SDCCAG8: variants seen among roughly 807,000 people sequenced by gnomAD.
The protein encoded by SDCCAG8 is SHH signaling and ciliogenesis regulator SDCCAG8.
In SDCCAG8, 74 loss-of-function variants were observed where a neutral mutation model predicts 101.8. The ratio of observed to expected loss-of-function variants is 0.73; its 90% CI spans 0.60 to 0.88. The LOEUF is 0.88. SDCCAG8 is among the 40% of genes least tolerant of loss of function. SDCCAG8 has a pLI of 0.00. For synonymous variants in SDCCAG8, 281 were observed against 292.9 expected (o/e 0.96, Z 0.41); for missense variants, 787 against 822.6 (o/e 0.96, Z 0.53).
At chr1:243,325,281 CTA>C in intron 9 of SDCCAG8, among the ~76,000 whole-genome samples, 1 of 152,142 alleles carries the variant, frequency 6.6e-6, no homozygotes, top group East Asian at 1.9e-4. Flanking sequence ...CATTAGGAAT[CTA>C]TAGCATTTTC....
chr1:243,358,097 A>G (rs1292879413), intron 12 of SDCCAG8, among the ~76,000 whole-genome samples: 1 of 152,162 alleles, frequency 6.6e-6, no homozygotes, highest in Non-Finnish European at 1.5e-5. Flanking sequence ...GATAAATTGA[A>G]TGTCATCAAA....
rs1558217588 is a variant in SDCCAG8, at chr1:243,274,534, T to C, written c.307-9T>C. ...ATTTATGTATTTATTTATTTATTTT[T>C]TGTCATAGAGGTCATTAGAACATGA... On this transcript the variant is annotated splice_polypyrimidine_tract_variant and intron_variant, in intron 3 of 17. Coordinates refer to ENST00000366541, the MANE Select transcript of SDCCAG8 (RefSeq NM_006642.5). The C allele has an allele frequency of 6.3e-6, 9 of 1,431,606 alleles. No homozygotes were observed. Among genetic ancestry groups the C allele is most frequent in the Non-Finnish European group, 8.8e-6 (9 of 1,018,116 alleles). 88.7% of individuals were successfully genotyped at this position (1,431,606 alleles called of 1,614,324 possible).
At chr1:243,472,947 C>T (rs1661542762) in intron 16 of SDCCAG8, among the ~76,000 whole-genome samples, 1 of 152,302 alleles carries the variant, frequency 6.6e-6, no homozygotes, top group East Asian at 1.9e-4. Context: ...ACTATTTCTC[C>T]TGTGTCAATT....
At chr1:243,411,153 G>A (rs565876848) in intron 13 of SDCCAG8, among the ~76,000 whole-genome samples, 16 of 151,630 alleles carry the variant, frequency 1.1e-4, no homozygotes, top group South Asian at 4.2e-4. Flanking sequence ...TCACTCTGTC[G>A]CCCAGGCTGG....
intron 1 of SDCCAG8, among the ~76,000 whole-genome samples, chr1:243,262,104 C>CTGGCCTCATGTGG (rs1202709875): frequency 2.5e-4 from 37 of 147,146 alleles, no homozygotes; most frequent in South Asian, 4.4e-4. Context: ...GCCACGGTGC[C>CTGGCCTCATGTGG]CGACTTTTTT....
At chr1:243,291,875 T>G (rs1468878863) in intron 5 of SDCCAG8, among the ~76,000 whole-genome samples, 4 of 152,206 alleles carry the variant, frequency 2.6e-5, no homozygotes, top group Non-Finnish European at 5.9e-5. Flanking sequence ...CTCTTGGTTA[T>G]CCACAATTCT....
chr1:243,286,023 GAA>G (rs1462748382), intron 4 of SDCCAG8, among the ~76,000 whole-genome samples: 1 of 152,182 alleles, frequency 6.6e-6, no homozygotes, highest in Non-Finnish European at 1.5e-5. Flanking sequence ...ATTCCTTGGA[GAA>G]AAGGAAATTG....
chr1:243,311,705 A>G (rs922229652), intron 8 of SDCCAG8, among the ~76,000 whole-genome samples: 22 of 152,062 alleles, frequency 1.4e-4, no homozygotes, highest in African/African-American at 5.3e-4. Flanking sequence ...ACTTGAGGCC[A>G]GGTGTTTGAG....
chr1:243,330,755 G>GATTC, intron 10 of SDCCAG8, 63 bp downstream of exon 10: 1 of 1,524,738 alleles, frequency 6.6e-7, no homozygotes, highest in Non-Finnish European at 9.1e-7. Context: ...TGCCATTGAT[G>GATTC]ATTCCATAGG....
At chr1:243,483,591 C>G (rs896834343) in intron 16 of SDCCAG8, among the ~76,000 whole-genome samples, 6 of 152,296 alleles carry the variant, frequency 3.9e-5, no homozygotes, top group Admixed American at 1.3e-4. Flanking sequence ...TCCCCGCCAG[C>G]CCAGCCCCTC....
intron 16 of SDCCAG8, among the ~76,000 whole-genome samples, chr1:243,469,830 GTTTTT>G (rs746906257): frequency 4.0e-5 from 5 of 123,528 alleles, no homozygotes; most frequent in Non-Finnish European, 6.8e-5. Flanking sequence ...GAAAGTGTTG[GTTTTT>G]TTTTTTTTTT....
At chr1:243,344,905 A>G (rs190282039) in intron 12 of SDCCAG8, among the ~76,000 whole-genome samples, 24 of 152,294 alleles carry the variant, frequency 1.6e-4, no homozygotes, top group Admixed American at 1.2e-3. Context: ...CTTTATTGAG[A>G]TGAAGTAGAT....
intron 16 of SDCCAG8, among the ~76,000 whole-genome samples, chr1:243,483,745 C>T (rs1278849723): frequency 6.6e-6 from 1 of 152,196 alleles, no homozygotes; most frequent in Non-Finnish European, 1.5e-5. Context: ...ACCTCCGTCT[C>T]CCAGTTTTCC....
intron 16 of SDCCAG8, among the ~76,000 whole-genome samples, chr1:243,444,815 A>G (rs1286681576): frequency 6.6e-6 from 1 of 152,238 alleles, no homozygotes; most frequent in Non-Finnish European, 1.5e-5. Context: ...GTATTCTCAG[A>G]AATGCAACTT....
Position 243,304,763 on chromosome 1 carries a change from A to G in SDCCAG8, c.726A>G (p.Gln242=), listed in dbSNP as rs570077019. 6 of 1,590,620 alleles carry G rather than the reference A, an allele frequency of 3.8e-6. No homozygotes were observed. The African/African-American group carries it at 4.0e-5, about 11-fold the overall frequency. The change falls in exon 7 of 18, where the codon CAA becomes CAG. Residue 242 remains glutamine (Q), a synonymous_variant. Coordinates refer to ENST00000366541, the MANE Select transcript of SDCCAG8 (RefSeq NM_006642.5). ...AAAAGTGTGAAATTGAGGAATCCCAATTGAAGTTTTTGAGGTAAAGTGAAA... is the reference window on the plus strand; with the variant it reads ...AAAAGTGTGAAATTGAGGAATCCCAGTTGAAGTTTTTGAGGTAAAGTGAAA... ...YEEKCEIEES[Q]LKFLRNDLAE...
intron 13 of SDCCAG8, among the ~76,000 whole-genome samples, chr1:243,395,424 GA>G (rs1430446078): frequency 6.6e-6 from 1 of 152,114 alleles, no homozygotes; most frequent in Non-Finnish European, 1.5e-5. Context: ...AACTTGCTGG[GA>G]AAACTTAATC....
intron 1 of SDCCAG8, chr1:243,267,826 A>G: frequency 2.3e-6 from 2 of 880,812 alleles, no homozygotes; most frequent in South Asian, 2.6e-5. Flanking sequence ...TACAAGGGAT[A>G]CACTTGACAT....
chr1:243,359,405 T>G (rs1215905821), intron 12 of SDCCAG8, among the ~76,000 whole-genome samples: 2 of 152,196 alleles, frequency 1.3e-5, no homozygotes, highest in Non-Finnish European at 1.5e-5. Flanking sequence ...ATACTTTCGG[T>G]GGGTGAATTC....
chr1:243,328,090 G>A lies in SDCCAG8; in HGVS notation c.1069-2450G>A, dbSNP rs532781547. ...GCTAATTTTTTGTGTTTTTAGTAGAGACAGAGTTTCACCGTGTTAGCCAGG... is the reference window on the plus strand; with the variant it reads ...GCTAATTTTTTGTGTTTTTAGTAGAAACAGAGTTTCACCGTGTTAGCCAGG... On this transcript the variant is annotated intron_variant, in intron 9 of 17. Transcript: ENST00000366541. Among the ~76,000 whole-genome samples, 11 of 152,076 alleles carry A rather than the reference G, an allele frequency of 7.2e-5. No individual in the cohort carries two copies. In the South Asian group the frequency reaches 1.7e-3, roughly 23 times the overall value.
Sources: allele counts gnomAD v4.1 joint callset (sites outside exome capture counted in the v4.1 genomes callset), GRCh38; gene constraint gnomAD v4.1.1; transcripts MANE v1.5; gene names NCBI Gene and HGNC (gene_info 2026-07-23, HGNC 2026-07-21).